The following ARHGAP22 variants were observed in gnomAD, a reference collection of about 807,000 sequenced individuals.
The protein encoded by ARHGAP22 is rho GTPase-activating protein 22.
Under a neutral mutation model 59.1 loss-of-function variants are expected in ARHGAP22, and 48 were observed. The ratio of observed to expected loss-of-function variants is 0.81; its 90% CI spans 0.64 to 1.03. The LOEUF (loss-of-function observed/expected upper bound fraction) is 1.03, where lower values mean the gene tolerates loss of function less well. ARHGAP22 is among the 50% of genes least tolerant of loss of function. The probability of loss-of-function intolerance (pLI) is 0.00; values close to 1 mark genes in which losing one functional copy is unlikely to be tolerated. For missense variants in ARHGAP22, 1,015 were observed against 958.7 expected (o/e 1.06, Z -0.78); for synonymous variants, 445 against 416.4 (o/e 1.07, Z -0.84).
intron 2 of ARHGAP22, 61 bp from the exon 3 acceptor site, chr10:48,555,611 G>A (rs1180304776): frequency 1.3e-5 from 20 of 1,542,260 alleles, no homozygotes; most frequent in Middle Eastern, 1.7e-4. Context: ...GACTGCTGTC[G>A]TCAGGGTCCC....
intron 1 of ARHGAP22, among the ~76,000 whole-genome samples, chr10:48,638,247 G>A (rs1024073231): frequency 5.3e-5 from 8 of 152,104 alleles, no homozygotes; most frequent in African/African-American, 1.7e-4. Context: ...TCTGTGCCAC[G>A]GGGAGATTCT....
chr10:48,584,478 C>G (rs1281765644), intron 1 of ARHGAP22, among the ~76,000 whole-genome samples: 1 of 152,224 alleles, frequency 6.6e-6, no homozygotes, highest in Admixed American at 6.5e-5. Context: ...CCTACCAGGA[C>G]AGGTGGCCCA....
At chr10:48,620,753 G>A (rs1293049550) in intron 1 of ARHGAP22, among the ~76,000 whole-genome samples, 1 of 152,174 alleles carries the variant, frequency 6.6e-6, no homozygotes, top group Non-Finnish European at 1.5e-5. Flanking sequence ...AGTACATAGG[G>A]TGCAGAGTAG....
chr10:48,460,956 T>TC (rs2133808683), intron 4 of ARHGAP22, among the ~76,000 whole-genome samples: 1 of 152,274 alleles, frequency 6.6e-6, no homozygotes, highest in African/African-American at 2.4e-5. Flanking sequence ...GAAAGTAGAA[T>TC]GGTGGCTGCA....
chr10:48,488,717 G>A (rs942604325), intron 3 of ARHGAP22, among the ~76,000 whole-genome samples: 4 of 152,214 alleles, frequency 2.6e-5, no homozygotes, highest in South Asian at 4.1e-4. Flanking sequence ...TGGCATTAGC[G>A]TGGGTGCTGT....
At chr10:48,492,166 A>T (rs1185127587) in intron 3 of ARHGAP22, among the ~76,000 whole-genome samples, 1 of 152,240 alleles carries the variant, frequency 6.6e-6, no homozygotes, top group Non-Finnish European at 1.5e-5. Context: ...AGCTGCTGGG[A>T]CTTATTCCAT....
intron 3 of ARHGAP22, among the ~76,000 whole-genome samples, chr10:48,544,685 C>T (rs1361290448): frequency 6.6e-6 from 1 of 152,160 alleles, no homozygotes; most frequent in Non-Finnish European, 1.5e-5. Flanking sequence ...TTTATGAAAT[C>T]TAAATGCCGA....
chr10:48,493,178 G>A (rs2050572842), intron 3 of ARHGAP22, among the ~76,000 whole-genome samples: 1 of 152,174 alleles, frequency 6.6e-6, no homozygotes, highest in Non-Finnish European at 1.5e-5. Context: ...GGCATCCTGA[G>A]ACCTGCCTGT....
chr10:48,601,282 C>G (rs2135881113), intron 1 of ARHGAP22, among the ~76,000 whole-genome samples: 1 of 152,312 alleles, frequency 6.6e-6, no homozygotes, highest in East Asian at 1.9e-4. Context: ...TTCCAGGGCT[C>G]TGAAGGATCC....
intron 3 of ARHGAP22, among the ~76,000 whole-genome samples, chr10:48,538,943 C>T (rs142601724): frequency 4.6e-5 from 7 of 152,104 alleles, no homozygotes; most frequent in African/African-American, 1.7e-4. Context: ...AAATGTAGTT[C>T]CTGCCAACAA....
rs879495608 is a variant in ARHGAP22 at position 48,581,348 on chromosome 10, C to T, written c.234+1605G>A. 8.7e-4 allele frequency among the ~76,000 whole-genome samples: 132 copies of T among 152,328 alleles called. 1 individual carries two copies. The highest frequency in any genetic ancestry group is 2.6e-3 in the African/African-American group (107 of 41,570). On this transcript the variant is annotated intron_variant, in intron 2 of 9. Coordinates refer to ENST00000249601, the MANE Select transcript of ARHGAP22 (RefSeq NM_021226.4). ...CCTTTTGCATGGAAGCTGTGTCTCC[C>T]CAGTTTGCAAACTGTTCACTGGAAT...
chr10:48,604,350 C>G (rs2060557102), intron 1 of ARHGAP22, among the ~76,000 whole-genome samples: 1 of 152,260 alleles, frequency 6.6e-6, no homozygotes, highest in East Asian at 1.9e-4. Context: ...ACCCAGCTGT[C>G]TCTAGAAGCC....
At chr10:48,634,078 GAGAGA>G (rs1346379416) in intron 1 of ARHGAP22, among the ~76,000 whole-genome samples, 2 of 152,202 alleles carry the variant, frequency 1.3e-5, no homozygotes, top group East Asian at 3.9e-4. Context: ...CTCACCTGTT[GAGAGA>G]AGCCAGTTTG....
In ARHGAP22 at chr10:48,557,304, G is replaced by GT. The variant is rs1310207039; in HGVS notation, c.235-1755dup. On this transcript the variant is annotated intron_variant, in intron 2 of 9. Transcript: ENST00000249601. ...CCTGTGTCATTCTAGGTACTTTGCT[G>GT]TTTTTTTTCCTGTGTCCCAAAATCT... 4.6e-5 allele frequency among the ~76,000 whole-genome samples: 7 copies of GT among 152,044 alleles called. No individual in the cohort carries two copies. The East Asian group carries it at 5.8e-4, about 13-fold the overall frequency.
intron 3 of ARHGAP22, among the ~76,000 whole-genome samples, chr10:48,536,039 GC>G (rs1264381469): frequency 6.6e-6 from 1 of 152,214 alleles, no homozygotes; most frequent in Admixed American, 6.5e-5. Flanking sequence ...GCAGAGGCTG[GC>G]CTGGGTCCTG....
intron 5 of ARHGAP22, 63 bp downstream of exon 5, chr10:48,459,621 G>C: frequency 1.9e-6 from 3 of 1,573,854 alleles, no homozygotes; most frequent in Non-Finnish European, 2.6e-6. Flanking sequence ...TGGTGTCCTG[G>C]GCAGGAGCCC....
At chr10:48,650,982 C>T (rs1331763335) in intron 1 of ARHGAP22, among the ~76,000 whole-genome samples, 7 of 152,198 alleles carry the variant, frequency 4.6e-5, no homozygotes, top group Non-Finnish European at 8.8e-5. Flanking sequence ...AGCTTTACTC[C>T]TCACCCCATG....
At chr10:48,602,365 TA>T (rs2135894289) in intron 1 of ARHGAP22, among the ~76,000 whole-genome samples, 1 of 152,212 alleles carries the variant, frequency 6.6e-6, no homozygotes, top group East Asian at 1.9e-4. Context: ...GGAGCCTCCT[TA>T]ATAGCATCAA....
chr10:48,642,484 G>C (rs1455316672), intron 1 of ARHGAP22, among the ~76,000 whole-genome samples: 2 of 152,156 alleles, frequency 1.3e-5, no homozygotes, highest in Non-Finnish European at 2.9e-5. Flanking sequence ...ACAAGCAATG[G>C]GGAAAGGATT....
Sources: allele counts gnomAD v4.1 joint callset (sites outside exome capture counted in the v4.1 genomes callset), GRCh38; gene constraint gnomAD v4.1.1; transcripts MANE v1.5; gene names NCBI Gene and HGNC (gene_info 2026-07-23, HGNC 2026-07-21).